Variants in CTR9 observed in about 807,000 individuals in gnomAD.
CTR9 encodes the protein CTR9 component of Paf1/RNA polymerase II complex.
In CTR9, 41 loss-of-function variants were observed where a neutral mutation model predicts 152.1. The ratio of observed to expected loss-of-function variants is 0.27; its 90% CI spans 0.21 to 0.35. CTR9 has a LOEUF of 0.35. CTR9 is among the 10% of genes least tolerant of loss of function. The pLI is 1.00. For synonymous variants in CTR9, 476 were observed against 496.2 expected (o/e 0.96, Z 0.54); for missense variants, 917 against 1,424.4 (o/e 0.64, Z 5.73).
At chr11:10,764,526 G>A (rs781077441) in intron 11 of CTR9, 22 bp from the exon 12 acceptor site, 4 of 1,604,002 alleles carry the variant, frequency 2.5e-6, no homozygotes, top group Non-Finnish European at 2.6e-6. Flanking sequence ...TCTTTTAACA[G>A]TGTGATTTTT....
rs931221668 is a variant in CTR9, at chr11:10,751,319, C to T, written c.-94C>T. 13 of 1,349,838 alleles carry T rather than the reference C, an allele frequency of 9.6e-6. No homozygotes were observed. The East Asian group carries it at 3.0e-4, about 31-fold the overall frequency. The allele number at this position is 1,349,838 out of a possible 1,614,324, so 83.6% of individuals were successfully genotyped here. A position where few individuals can be genotyped will look rare whatever the true frequency, so the allele number is the denominator to read the frequency against. ...CGCGGGGCGGCAGTCAAGACCAGAG[C>T]CGGAGCCGTCACTCACCTCTGGATT... On this transcript the variant is annotated 5_prime_UTR_variant, in exon 1 of 25. Coordinates refer to ENST00000361367, the MANE Select transcript of CTR9 (RefSeq NM_014633.5).
At position 10,754,556 on chromosome 11, in the gene CTR9, T is replaced by C. The variant is rs189330258; in HGVS notation, c.145-402T>C. 2.0e-5 allele frequency among the ~76,000 whole-genome samples: 3 copies of C among 152,340 alleles called. No homozygotes were observed. In the East Asian group the frequency reaches 5.8e-4, roughly 29 times the overall value. The stretch of plus-strand genomic sequence containing the variant: ...TTCATCACCTTCTGAAAGTGTCCTC[T>C]GTACCACTCCCCACAAGTCCCCCAC... On this transcript the variant is annotated intron_variant, in intron 2 of 24. Coordinates refer to ENST00000361367, the MANE Select transcript of CTR9 (RefSeq NM_014633.5).
At chr11:10,757,167 C>A (rs1409422702) in intron 5 of CTR9, among the ~76,000 whole-genome samples, 2 of 152,068 alleles carry the variant, frequency 1.3e-5, no homozygotes, top group South Asian at 2.1e-4. Flanking sequence ...CACCTGTGGT[C>A]CCAGCTCCTT....
Position 10,756,770 on chromosome 11 carries a change from A to G in CTR9, c.524A>G (p.Asn175Ser), listed in dbSNP as rs1449582408. The change falls in exon 5 of 25, where the codon AAC becomes AGC. Residue 175 changes from asparagine to serine, a missense_variant. Asn to Ser is a conservative substitution (Grantham distance 46, BLOSUM62 1). Transcript: ENST00000361367. The stretch of plus-strand genomic sequence containing the variant: ...ACAGGTAAAGCTTGCATTTCCTTCA[A>G]CAAGAAGGATTACAGAGGAGCTCTT... ...ALLGKACISF[N>S]KKDYRGALAY... 6.2e-7 allele frequency: 1 copy of G among 1,611,038 alleles called. No homozygotes were observed. The highest frequency in any genetic ancestry group is 1.3e-5 in the African/African-American group (1 of 74,774).
intron 24 of CTR9, among the ~76,000 whole-genome samples, 193 bp downstream of exon 24, chr11:10,775,826 C>T (rs1354944525): frequency 6.6e-6 from 1 of 152,136 alleles, no homozygotes; most frequent in Non-Finnish European, 1.5e-5. Flanking sequence ...AATGGCTTCT[C>T]CCCAGCTTCT....
intron 24 of CTR9, among the ~76,000 whole-genome samples, chr11:10,777,592 C>A (rs996038927): frequency 6.6e-6 from 1 of 152,088 alleles, no homozygotes; most frequent in African/African-American, 2.4e-5. Flanking sequence ...AATGTGTTGG[C>A]AGAAAGGTCC....
chr11:10,764,774 C>G (rs1863033639), intron 12 of CTR9, 43 bp downstream of exon 12: 1 of 1,469,488 alleles, frequency 6.8e-7, no homozygotes, highest in Non-Finnish European at 9.2e-7. Context: ...TCCGTTCATT[C>G]CCACAAGAGC....
At position 10,775,193 on chromosome 11, in the gene CTR9, G is replaced by A. The variant is rs1863212144; in HGVS notation, c.2886-14G>A. The A allele has an allele frequency of 6.9e-6, 11 of 1,602,434 alleles. No individual in the cohort carries two copies. Among genetic ancestry groups the A allele is most frequent in the Non-Finnish European group, 8.5e-6 (10 of 1,170,342 alleles). On this transcript the variant is annotated splice_polypyrimidine_tract_variant and intron_variant, in intron 22 of 24. Transcript: ENST00000361367. ...GGCTCTTGACAAACTCTCTCTTGGTGTTCACTATTTAAGACATCCAAAGGG... is the reference window on the plus strand; with the variant it reads ...GGCTCTTGACAAACTCTCTCTTGGTATTCACTATTTAAGACATCCAAAGGG...
chr11:10,763,532 T>C lies in CTR9; in HGVS notation c.951T>C (p.His317=), dbSNP rs749736368. 8.1e-6 allele frequency: 13 copies of C among 1,597,290 alleles called. No individual in the cohort carries two copies. Among genetic ancestry groups the C allele is most frequent in the East Asian group, 6.7e-5 (3 of 44,746 alleles). Residue 317 remains histidine (H), a synonymous_variant, in exon 8 of 25, where the codon CAT becomes CAC. Coordinates refer to ENST00000361367, the MANE Select transcript of CTR9 (RefSeq NM_014633.5). ...GCTATCAGCTAGCTAGATCATTCCA[T>C]GTTCAGGTAATTTTATAACTTCTCT... The part of the protein sequence containing the change: ...ESCYQLARSF[H]VQEDYDQAFQ...
intron 17 of CTR9, 62 bp from the exon 18 acceptor site, chr11:10,770,425 C>T (rs762464994): frequency 1.9e-6 from 3 of 1,587,442 alleles, no homozygotes; most frequent in East Asian, 2.2e-5. Context: ...TAATAATACT[C>T]TGCTGTCTAA....
chr11:10,772,600 G>A lies in CTR9; in HGVS notation c.2525G>A (p.Arg842Gln), dbSNP rs141773092. 8 of 1,611,462 alleles carry A rather than the reference G, an allele frequency of 5.0e-6. No individual in the cohort carries two copies. The highest frequency in any genetic ancestry group is 2.2e-5 in the East Asian group (1 of 44,694). The change falls in exon 20 of 25, where the codon CGG becomes CAG. Residue 842 changes from arginine (R) to glutamine (Q), a missense_variant. Arg to Gln is a conservative substitution (Grantham distance 43). This residue lies in a region of CTR9 where 106 missense variants were observed against 157.8 expected (regional missense o/e 0.67). Transcript: ENST00000361367. ...CAAGATGAAGAAGAGCGGGAGCTGC[G>A]GGCCAAGCAAGAGCAAGAAAAGGAG... ...RKQDEEEREL[R>Q]AKQEQEKELL...
rs2135356050 is a variant in CTR9, at chr11:10,755,067, G to A, written c.254G>A (p.Cys85Tyr). The A allele has an allele frequency of 6.2e-7, 1 of 1,614,104 alleles. No homozygotes were observed. Among genetic ancestry groups the A allele is most frequent in the East Asian group, 2.2e-5 (1 of 44,856 alleles). The part of the protein sequence containing the change: ...YRDHEKDQMT[C>Y]LDTLAAYYVQ... ...GACCATGAAAAAGACCAGATGACTT[G>A]CTTGGATACATTGGCAGCGTATTAT... Residue 85 changes from cysteine to tyrosine, a missense_variant, in exon 3 of 25, where the codon TGC (cysteine) becomes TAC (tyrosine). Around this residue, in one of 9 missense-constraint regions of CTR9, gnomAD observed 67 missense variants for 106.9 expected, o/e 0.63. Transcript: ENST00000361367.
In CTR9 at chr11:10,773,238, A is replaced by C; in HGVS notation, c.2692A>C (p.Thr898Pro). Residue 898 changes from threonine (T) to proline (P), a missense_variant, in exon 21 of 25, where the codon ACA (threonine) becomes CCA (proline). Physicochemically the swap from Thr to Pro is conservative, Grantham distance 38. Transcript: ENST00000361367. The part of the protein sequence containing the change: ...ILMFTGETEA[T>P]KEKKRGGGGG... ...TATGTTTACTGGTGAGACTGAAGCA[A>C]CAAAAGAGAAGAAAAGAGGTGGTGG... is the stretch of plus-strand genomic sequence containing the variant. 2 of 1,613,368 alleles carry C rather than the reference A, an allele frequency of 1.2e-6. No homozygotes were observed. The highest frequency in any genetic ancestry group is 2.2e-5 in the South Asian group (2 of 90,854).
chr11:10,763,675 T>C lies in CTR9; in HGVS notation c.990T>C (p.Tyr330=), dbSNP rs2135368233. 6.2e-7 allele frequency: 1 copy of C among 1,613,182 alleles called. No individual in the cohort carries two copies. The highest frequency in any genetic ancestry group is 2.2e-5 in the East Asian group (1 of 44,864). The part of the protein sequence containing the change: ...EDYDQAFQYY[Y]QATQFASSSF... ...ATGACCAAGCTTTTCAGTACTATTA[T>C]CAAGCCACACAGTTTGCCTCATCCT... Residue 330 remains tyrosine (Y), a synonymous_variant, in exon 9 of 25, where the codon TAT becomes TAC. Coordinates refer to ENST00000361367, the MANE Select transcript of CTR9 (RefSeq NM_014633.5).
chr11:10,754,973 C>T lies in CTR9; in HGVS notation c.160C>T (p.Gln54Ter). ...WIALALEYYK[Q>*]GKTEEFVKLL... is the part of the protein sequence containing the mutation. ...TACCTTATAGCTGGAATACTACAAG[C>T]AAGGAAAAACAGAAGAGTTTGTAAA... The change falls in exon 3 of 25, where the codon CAA (glutamine) becomes TAA (stop). Residue 54 changes from glutamine to a stop codon, truncating the protein, a stop_gained. Transcript: ENST00000361367. LOFTEE classifies it high-confidence loss of function. 1 of 1,613,234 alleles carries T rather than the reference C, an allele frequency of 6.2e-7. No homozygotes were observed. The highest frequency in any genetic ancestry group is 8.5e-7 in the Non-Finnish European group (1 of 1,179,680).
chr11:10,756,884 C>T (rs772840630), intron 5 of CTR9, 46 bp downstream of exon 5: 1 of 1,169,904 alleles, frequency 8.5e-7, no homozygotes, highest in South Asian at 1.3e-5. Flanking sequence ...TATTACCCAG[C>T]TTAAAGCATT....
At chr11:10,775,753 A>C (rs1183866670) in intron 24 of CTR9, 120 bp downstream of exon 24, 2 of 627,540 alleles carry the variant, frequency 3.2e-6, no homozygotes, top group East Asian at 3.1e-5. Context: ...ATAAATAATA[A>C]GAGGGGTGGG....
rs760151216 is a variant in CTR9, at chr11:10,779,005, A to T, written c.3422A>T (p.Glu1141Val). The change falls in exon 25 of 25, where the codon GAG (glutamate) becomes GTG (valine). Residue 1141 changes from glutamate to valine, a missense_variant. This residue lies in a region of CTR9 where 384 missense variants were observed against 398.4 expected (regional missense o/e 0.96). Coordinates refer to ENST00000361367, the MANE Select transcript of CTR9 (RefSeq NM_014633.5). ...DHESERGSDN[E>V]GSGQGSGNES... ...GAATCGGAGAGAGGATCTGATAATG[A>T]GGGTTCTGGCCAAGGCTCTGGAAAT... is the stretch of plus-strand genomic sequence containing the variant. 6.2e-7 allele frequency: 1 copy of T among 1,614,180 alleles called. No homozygotes were observed. Among genetic ancestry groups the T allele is most frequent in the Non-Finnish European group, 8.5e-7 (1 of 1,180,038 alleles).
In CTR9 at chr11:10,773,216, G is replaced by A. The variant is rs761603338; in HGVS notation, c.2670G>A (p.Met890Ile). ...QYVEKTKNIL[M>I]FTGETEATKE... ...TGGAGAAGACCAAAAATATTCTTAT[G>A]TTTACTGGTGAGACTGAAGCAACAA... Residue 890 changes from methionine to isoleucine, a missense_variant, in exon 21 of 25, where the codon ATG becomes ATA. Met to Ile is a conservative substitution (Grantham distance 10). This residue lies in a region of CTR9 where 384 missense variants were observed against 398.4 expected (regional missense o/e 0.96). Transcript: ENST00000361367. The A allele has an allele frequency of 3.1e-6, 5 of 1,612,960 alleles. No individual in the cohort carries two copies. In the Admixed American group the frequency reaches 8.4e-5, roughly 27 times the overall value.
Sources: allele counts gnomAD v4.1 joint callset (sites outside exome capture counted in the v4.1 genomes callset), GRCh38; gene constraint gnomAD v4.1.1; regional missense constraint gnomAD v4.1.1; transcripts MANE v1.5; gene names NCBI Gene and HGNC (gene_info 2026-07-23, HGNC 2026-07-21).